Variants in ESR1 observed in about 807,000 individuals in gnomAD.
ESR1 encodes estrogen receptor 1.
Under a neutral mutation model 52.7 loss-of-function variants are expected in ESR1, and 12 were observed. The ratio of observed to expected loss-of-function variants is 0.23; its 90% CI spans 0.15 to 0.37. The LOEUF (loss-of-function observed/expected upper bound fraction) is 0.37, where lower values mean the gene tolerates loss of function less well. Ranked by LOEUF, ESR1 falls within the 10% of genes least tolerant of loss-of-function variation. ESR1 has a pLI of 1.00. For missense variants in ESR1, 584 were observed against 779.7 expected, an observed-to-expected ratio of 0.75 and a Z score of 2.99; for synonymous variants, 305 against 316.8, an observed-to-expected ratio of 0.96 and a Z score of 0.39.
In ESR1 at chr6:152,061,134, T is replaced by C; in HGVS notation, c.1369+10T>C. ...ATTTTGCTTAATTCTGGTGAGTTGA[T>C]AACACAAGATAACTCAATGCTGGAT... On this transcript the variant is annotated intron_variant, in intron 6 of 7. Coordinates refer to ENST00000206249, the MANE Select transcript of ESR1 (RefSeq NM_000125.4). This position sits in a 1 kb window ranked among gnomAD's most constrained non-coding sequence, Gnocchi z 4.3. 2 of 1,612,402 alleles carry C rather than the reference T, an allele frequency of 1.2e-6. No homozygotes were observed. Among genetic ancestry groups the C allele is most frequent in the Non-Finnish European group, 1.7e-6 (2 of 1,178,550 alleles).
At chr6:151,711,315 G>C (rs966490134) in intron 2 of ESR1, among the ~76,000 whole-genome samples, 1 of 151,368 alleles carries the variant, frequency 6.6e-6, no homozygotes, top group Non-Finnish European at 1.5e-5. Context: ...TCCACCTCCC[G>C]GGTTCATGCC....
At chr6:151,870,135 G>A (rs1790693403) in intron 2 of ESR1, among the ~76,000 whole-genome samples, 1 of 152,252 alleles carries the variant, frequency 6.6e-6, no homozygotes, top group Non-Finnish European at 1.5e-5. Context: ...TACTGCAGTT[G>A]TTCTGTCACA....
At chr6:151,834,599 G>C (rs945873628) in intron 1 of ESR1, among the ~76,000 whole-genome samples, 2 of 152,096 alleles carry the variant, frequency 1.3e-5, no homozygotes, top group South Asian at 2.1e-4. Flanking sequence ...ACCAAATGTA[G>C]ATGACGGGCT....
chr6:151,702,497 T>C (rs1005584216), intron 2 of ESR1, among the ~76,000 whole-genome samples: 1 of 152,218 alleles, frequency 6.6e-6, no homozygotes, highest in Non-Finnish European at 1.5e-5. Flanking sequence ...GTGAGTGTGC[T>C]TTTAATTTAA....
intron 2 of ESR1, among the ~76,000 whole-genome samples, chr6:151,853,164 C>T (rs1265837816): frequency 4.9e-5 from 3 of 61,112 alleles, no homozygotes; most frequent in African/African-American, 7.9e-5. Context: ...GAGTGAGACT[C>T]GTCTCAAAAA....
chr6:152,030,686 A>G (rs1301135327), intron 5 of ESR1, among the ~76,000 whole-genome samples: 2 of 152,154 alleles, frequency 1.3e-5, no homozygotes, highest in African/African-American at 4.8e-5. Context: ...CACAATAATA[A>G]TGGGAGACTT....
At chr6:152,083,165 T>G (rs576137605) in intron 6 of ESR1, among the ~76,000 whole-genome samples, 14 of 152,266 alleles carry the variant, frequency 9.2e-5, no homozygotes, top group African/African-American at 3.4e-4. Flanking sequence ...AAGACAATCC[T>G]AAGCAAAAAG....
chr6:151,797,163 G>A (rs776590415), intron 2 of ESR1, among the ~76,000 whole-genome samples: 12 of 152,222 alleles, frequency 7.9e-5, no homozygotes, highest in Non-Finnish European at 1.5e-4. Context: ...AAAAGTAACC[G>A]GGTCTCATGG....
intron 3 of ESR1, among the ~76,000 whole-genome samples, chr6:151,926,614 A>T (rs1442610070): frequency 6.6e-6 from 1 of 152,090 alleles, no homozygotes; most frequent in Non-Finnish European, 1.5e-5. Flanking sequence ...ACTATTATAA[A>T]TGGTATTTTC....
At chr6:151,729,208 C>T in intron 2 of ESR1, among the ~76,000 whole-genome samples, 1 of 152,164 alleles carries the variant, frequency 6.6e-6, no homozygotes, top group East Asian at 1.9e-4. Context: ...AGCTAGCTTG[C>T]TCTTCCCAGC....
At chr6:151,936,619 CTACATT>C (rs1230218815) in intron 3 of ESR1, among the ~76,000 whole-genome samples, 1 of 152,160 alleles carries the variant, frequency 6.6e-6, no homozygotes, top group Admixed American at 6.5e-5. Context: ...ATAATAAGGG[CTACATT>C]TACCTTCCCA....
At chr6:151,841,597 A>AT (rs563614847) in intron 1 of ESR1, among the ~76,000 whole-genome samples, 10 of 141,120 alleles carry the variant, frequency 7.1e-5, no homozygotes, top group African/African-American at 1.6e-4. Context: ...CTCTTCCTAC[A>AT]TTTTTTTTTA....
chr6:152,075,395 A>G (rs2048660908), intron 6 of ESR1, among the ~76,000 whole-genome samples: 4 of 152,170 alleles, frequency 2.6e-5, no homozygotes. Context: ...ATGTAATATA[A>G]CCTTCCTCTC....
In ESR1 at chr6:152,125,340, C is replaced by T. The variant is rs940659992; in HGVS notation, c.925C>T (p.Arg309Cys). ...AATATTTGGAAACAAGTGGTTTCCT[C>T]GTGTCTAAAGCCTCTGGTCATAAGG... Residue 309 changes from arginine (R) to cysteine (C), a missense_variant, in exon 7 of 7, where the codon CGT becomes TGT. Physicochemically the swap from Arg to Cys is radical, Grantham distance 180 (BLOSUM62 -3). Coordinates refer to the ESR1 transcript ENST00000427531. The T allele has an allele frequency of 5.2e-6, 8 of 1,550,092 alleles. No individual in the cohort carries two copies. In the African/African-American group the frequency reaches 5.5e-5, roughly 11 times the overall value.
At chr6:151,744,061 A>G (rs1783302084) in intron 2 of ESR1, among the ~76,000 whole-genome samples, 1 of 152,162 alleles carries the variant, frequency 6.6e-6, no homozygotes, top group African/African-American at 2.4e-5. Context: ...AGGTTCATCT[A>G]TATTGCAGCA....
intron 6 of ESR1, among the ~76,000 whole-genome samples, chr6:152,078,848 C>T (rs183442403): frequency 5.0e-4 from 76 of 152,336 alleles, no homozygotes; most frequent in East Asian, 2.9e-3. Flanking sequence ...GTGGGTCACA[C>T]GCCCATGGAG....
chr6:151,964,958 C>T (rs1300717175), intron 4 of ESR1, among the ~76,000 whole-genome samples: 2 of 152,032 alleles, frequency 1.3e-5, no homozygotes, highest in African/African-American at 2.4e-5. Context: ...TTCTTAATCA[C>T]GCGATATATA....
At chr6:151,945,023 C>T (rs933546197) in intron 4 of ESR1, among the ~76,000 whole-genome samples, 9 of 152,052 alleles carry the variant, frequency 5.9e-5, no homozygotes, top group East Asian at 1.9e-4. Flanking sequence ...TGAGGCCATC[C>T]GGGGCAACGT....
chr6:152,011,574 G>C (rs2128777110), intron 4 of ESR1, 82 bp from the exon 5 acceptor site: 2 of 1,530,192 alleles, frequency 1.3e-6, no homozygotes, highest in Non-Finnish European at 1.8e-6. Flanking sequence ...GACCTTGTCA[G>C]TTCAAATCCC....
Sources: gnomAD v4.1 joint callset for allele counts (sites outside exome capture counted in the v4.1 genomes callset) on GRCh38, gnomAD v4.1.1 for gene constraint, Gnocchi (gnomAD v3.1) non-coding constraint, MANE v1.5 for transcripts, NCBI Gene and HGNC (gene_info 2026-07-23, HGNC 2026-07-21) for gene names.